Variants in MYT1L observed in about 807,000 individuals in gnomAD.
The protein encoded by MYT1L is myelin transcription factor 1 like.
A neutral mutation model predicts 126.7 loss-of-function variants in MYT1L; 12 were observed. The observed-to-expected ratio is 0.09, with a 90% CI of 0.06 to 0.15. The LOEUF (loss-of-function observed/expected upper bound fraction) is 0.15. Among genes scored for constraint, MYT1L ranks in the 10% least tolerant of loss-of-function variants. The pLI is 1.00. For synonymous variants in MYT1L, 541 were observed against 604.2 expected, an observed-to-expected ratio of 0.90 and a Z score of 1.53; for missense variants, 979 against 1,585.2, an observed-to-expected ratio of 0.62 and a Z score of 6.49.
intron 2 of MYT1L, among the ~76,000 whole-genome samples, chr2:2,264,601 C>G (rs2095073858): frequency 6.6e-6 from 1 of 152,162 alleles, no homozygotes; most frequent in South Asian, 2.1e-4. Flanking sequence ...GCAACGCTGG[C>G]CCAAGCTGCT....
chr2:1,993,757 CAT>C (rs1321432539), intron 5 of MYT1L, among the ~76,000 whole-genome samples: 4 of 152,196 alleles, frequency 2.6e-5, no homozygotes, highest in African/African-American at 7.2e-5. Flanking sequence ...TTTTTAGTAA[CAT>C]GTGATCATGC....
At chr2:2,072,162 C>T (rs532101308) in intron 3 of MYT1L, among the ~76,000 whole-genome samples, 80 of 152,268 alleles carry the variant, frequency 5.3e-4, no homozygotes, top group African/African-American at 8.9e-4. Flanking sequence ...AGGCAGTGCT[C>T]GGCAGAGCCC....
Position 1,910,391 on chromosome 2 carries a change from C to A in MYT1L, c.1710-44G>T. On this transcript the variant is annotated intron_variant, in intron 12 of 24. Coordinates refer to ENST00000647738, the MANE Select transcript of MYT1L (RefSeq NM_001303052.2). This position sits in a 1 kb window ranked among gnomAD's most constrained non-coding sequence, Gnocchi z 4.8. ...GGTTGAATGGTCCCGCCTCAAACAC[C>A]TTCACAGCACACTAATCCTCCCTTA... 1 of 1,518,256 alleles carries A rather than the reference C, an allele frequency of 6.6e-7. No individual in the cohort carries two copies. The highest frequency in any genetic ancestry group is 1.1e-5 in the South Asian group (1 of 88,620). The allele number at this position is 1,518,256 out of a possible 1,614,324, so 94.0% of individuals were successfully genotyped here.
At chr2:2,310,823 A>G (rs2095955452) in intron 1 of MYT1L, among the ~76,000 whole-genome samples, 1 of 152,182 alleles carries the variant, frequency 6.6e-6, no homozygotes, top group South Asian at 2.1e-4. Flanking sequence ...TCACTTTCTT[A>G]TAATCCCTAG....
chr2:2,154,016 T>G (rs1559162977), intron 3 of MYT1L, among the ~76,000 whole-genome samples: 1 of 152,136 alleles, frequency 6.6e-6, no homozygotes, highest in Non-Finnish European at 1.5e-5. Context: ...CTGGACCGGA[T>G]GGCAGGAGGT....
intron 4 of MYT1L, among the ~76,000 whole-genome samples, chr2:2,038,293 A>G (rs2067113516): frequency 6.6e-6 from 1 of 152,172 alleles, no homozygotes; most frequent in African/African-American, 2.4e-5. Flanking sequence ...TAAATCCAAC[A>G]TTATACAATT....
intron 1 of MYT1L, among the ~76,000 whole-genome samples, chr2:2,293,198 G>C (rs2095624506): frequency 9.9e-5 from 15 of 152,160 alleles, no homozygotes; most frequent in Admixed American, 9.8e-4. Context: ...CTTTACTACG[G>C]CAGCTGTGTC....
chr2:2,321,156 C>G (rs1472608679), intron 1 of MYT1L, among the ~76,000 whole-genome samples: 1 of 152,206 alleles, frequency 6.6e-6, no homozygotes, highest in East Asian at 1.9e-4. Flanking sequence ...ATCAATTTGC[C>G]TGTGCCTGGC....
intron 2 of MYT1L, among the ~76,000 whole-genome samples, chr2:2,251,640 A>C (rs1292152123): frequency 6.6e-6 from 1 of 152,188 alleles, no homozygotes; most frequent in Non-Finnish European, 1.5e-5. Context: ...CACCAGGTAA[A>C]TTCAGTTTTC....
rs572916403 is a variant in MYT1L at position 2,095,536 on chromosome 2, T to C, written c.-303-41413A>G. Among the ~76,000 whole-genome samples, 165 of 152,254 alleles carry C rather than the reference T, an allele frequency of 1.1e-3. 1 individual carries two copies. Among genetic ancestry groups the C allele is most frequent in the Middle Eastern group, 3.4e-3 (1 of 294 alleles). The stretch of plus-strand genomic sequence containing the variant: ...TCAGCACCTCACATCAGGGGAGCTA[T>C]CCTGCGAGCCCCCACCTGTGGCCGC... On this transcript the variant is annotated intron_variant, in intron 3 of 24. Transcript: ENST00000647738.
At chr2:2,033,799 C>G (rs186549687) in intron 4 of MYT1L, among the ~76,000 whole-genome samples, 1 of 152,144 alleles carries the variant, frequency 6.6e-6, no homozygotes, top group African/African-American at 2.4e-5. Context: ...GCAGCCCCAA[C>G]GGCCCCTGGG....
chr2:2,169,813 T>C (rs2148515652), intron 3 of MYT1L, among the ~76,000 whole-genome samples: 1 of 152,298 alleles, frequency 6.6e-6, no homozygotes, highest in Non-Finnish European at 1.5e-5. Context: ...ATGTTTTCTT[T>C]TGGCTTATGC....
chr2:2,061,337 G>A (rs953201966), intron 3 of MYT1L, among the ~76,000 whole-genome samples: 4 of 152,182 alleles, frequency 2.6e-5, no homozygotes, highest in Admixed American at 2.0e-4. Context: ...TTAACCTCTG[G>A]TGACTGCCAG....
intron 19 of MYT1L, chr2:1,841,974 T>TAC (rs899694683): frequency 6.6e-6 from 1 of 152,206 alleles, no homozygotes; most frequent in Non-Finnish European, 1.5e-5. Context: ...AACAGAAACA[T>TAC]ACACACACAT....
intron 2 of MYT1L, among the ~76,000 whole-genome samples, chr2:2,257,298 C>G (rs1032019001): frequency 6.6e-5 from 10 of 152,174 alleles, no homozygotes; most frequent in African/African-American, 2.4e-4. Context: ...ACTTGGGGCT[C>G]ATATTGGAAA....
chr2:2,188,353 C>T (rs1221447171), intron 2 of MYT1L, among the ~76,000 whole-genome samples: 1 of 152,204 alleles, frequency 6.6e-6, no homozygotes, highest in African/African-American at 2.4e-5. Flanking sequence ...TTAAGAGGTG[C>T]ATCTCCTTTC....
chr2:1,813,383 G>A (rs995270857), intron 21 of MYT1L, among the ~76,000 whole-genome samples: 1 of 152,176 alleles, frequency 6.6e-6, no homozygotes, highest in Non-Finnish European at 1.5e-5. Flanking sequence ...AATGGCCCCA[G>A]GGGCACAGCT....
Position 2,228,134 on chromosome 2 carries a change from T to C in MYT1L, c.-420-55146A>G, listed in dbSNP as rs1385066260. ...CTCTATGCAAGGATTACAGATAATA[T>C]AATCATCATCACTATCATCAGTATA... is the stretch of plus-strand genomic sequence containing the variant. On this transcript the variant is annotated intron_variant, in intron 2 of 24. Transcript: ENST00000647738. The surrounding 1 kb of genome is among the most constrained non-coding windows in gnomAD (Gnocchi z 5.9). 6.6e-6 allele frequency among the ~76,000 whole-genome samples: 1 copy of C among 152,218 alleles called. No homozygotes were observed. The highest frequency in any genetic ancestry group is 1.5e-5 in the Non-Finnish European group (1 of 68,038).
At chr2:2,056,042 G>A (rs1256984638) in intron 3 of MYT1L, among the ~76,000 whole-genome samples, 1 of 152,250 alleles carries the variant, frequency 6.6e-6, no homozygotes, top group Non-Finnish European at 1.5e-5. Flanking sequence ...GAGAGGGACA[G>A]GTTTTTCATT....
Sources: gnomAD v4.1 joint callset for allele counts (sites outside exome capture counted in the v4.1 genomes callset) on GRCh38, gnomAD v4.1.1 for gene constraint, Gnocchi (gnomAD v3.1) non-coding constraint, MANE v1.5 for transcripts, NCBI Gene and HGNC (gene_info 2026-07-23, HGNC 2026-07-21) for gene names.